UBASH3B: variants seen among roughly 807,000 people sequenced by gnomAD.
UBASH3B encodes the protein ubiquitin associated and SH3 domain containing B.
A neutral mutation model predicts 83.4 loss-of-function variants in UBASH3B; 37 were observed. That is an observed-to-expected ratio of 0.44 (90% CI 0.34 to 0.58). The LOEUF is 0.58. Ranked by LOEUF, UBASH3B falls within the 20% of genes least tolerant of loss-of-function variation. The pLI, the probability that UBASH3B is intolerant of heterozygous loss-of-function variation, is 0.01. For missense variants in UBASH3B, 657 were observed against 827.2 expected, an observed-to-expected ratio of 0.79 and a Z score of 2.52; for synonymous variants, 304 against 318.3, an observed-to-expected ratio of 0.96 and a Z score of 0.48.
chr11:122,699,531 C>CCCTTTCTT (rs1555137139), intron 1 of UBASH3B, among the ~76,000 whole-genome samples: 6 of 107,866 alleles, frequency 5.6e-5, no homozygotes, highest in Admixed American at 4.8e-4. Context: ...TTCTTTCTTT[C>CCCTTTCTT]TCTTTCTTTC....
Position 122,707,014 on chromosome 11 carries a change from C to T in UBASH3B, c.161+50804C>T, listed in dbSNP as rs115218726. 7.7e-3 allele frequency among the ~76,000 whole-genome samples: 1,176 copies of T among 152,254 alleles called. 14 individuals carry two copies. The highest frequency in any genetic ancestry group is 0.027 in the African/African-American group (1,132 of 41,538). On this transcript the variant is annotated intron_variant, in intron 1 of 13. Coordinates refer to ENST00000284273, the MANE Select transcript of UBASH3B (RefSeq NM_032873.5). The stretch of plus-strand genomic sequence containing the variant: ...TCCTTAGAAGGAAGTTCCTTTTATT[C>T]TGAGATGGTACCCTTTCTACTTTTT...
At chr11:122,687,805 C>G (rs993371381) in intron 1 of UBASH3B, among the ~76,000 whole-genome samples, 1 of 152,078 alleles carries the variant, frequency 6.6e-6, no homozygotes, top group African/African-American at 2.4e-5. Context: ...CTGGTGCTCC[C>G]GTGTCTCCAA....
In UBASH3B at chr11:122,710,528, G is replaced by C. The variant is rs190453535; in HGVS notation, c.161+54318G>C. On this transcript the variant is annotated intron_variant, in intron 1 of 13. Transcript: ENST00000284273. ...AGACATGATCTCCCCCACCTGAAAAGTGGCAGAGCCAGAAGTCAAACGTTC... is the reference window on the plus strand; with the variant it reads ...AGACATGATCTCCCCCACCTGAAAACTGGCAGAGCCAGAAGTCAAACGTTC... Among the ~76,000 whole-genome samples the C allele has an allele frequency of 2.2e-4, 34 of 152,368 alleles. No homozygotes were observed. The East Asian group carries it at 6.0e-3, about 27-fold the overall frequency.
At chr11:122,709,780 C>G (rs550699382) in intron 1 of UBASH3B, among the ~76,000 whole-genome samples, 12 of 152,278 alleles carry the variant, frequency 7.9e-5, no homozygotes, top group African/African-American at 2.9e-4. Context: ...GATTATCACA[C>G]GGTCTCAAAA....
intron 1 of UBASH3B, among the ~76,000 whole-genome samples, chr11:122,762,951 C>A (rs952845686): frequency 1.3e-5 from 2 of 152,206 alleles, no homozygotes; most frequent in Non-Finnish European, 2.9e-5. Context: ...CTAATATATG[C>A]CAAACATTGT....
At chr11:122,716,418 C>T (rs1361123289) in intron 1 of UBASH3B, among the ~76,000 whole-genome samples, 1 of 152,180 alleles carries the variant, frequency 6.6e-6, no homozygotes, top group East Asian at 1.9e-4. Context: ...TTGCCCAAGT[C>T]ACATGGAGGA....
chr11:122,801,384 C>T (rs1373498343), intron 11 of UBASH3B, 52 bp downstream of exon 11: 1 of 1,597,124 alleles, frequency 6.3e-7, no homozygotes, highest in Admixed American at 1.7e-5. Flanking sequence ...GTGCTTTCTG[C>T]ACTAGCACTA....
intron 1 of UBASH3B, among the ~76,000 whole-genome samples, chr11:122,705,114 C>G (rs542196451): frequency 6.6e-6 from 1 of 152,296 alleles, no homozygotes; most frequent in African/African-American, 2.4e-5. Context: ...TAGCTGCCAG[C>G]CGGACTCATG....
chr11:122,773,291 C>T (rs1299929258), intron 1 of UBASH3B, among the ~76,000 whole-genome samples: 2 of 152,350 alleles, frequency 1.3e-5, no homozygotes, highest in African/African-American at 4.8e-5. Flanking sequence ...CGCCCATGTT[C>T]AGTCTGTTCT....
intron 1 of UBASH3B, among the ~76,000 whole-genome samples, chr11:122,762,185 T>C (rs1401579089): frequency 3.3e-5 from 5 of 152,182 alleles, no homozygotes. Context: ...ACCGTGCCCC[T>C]GGCTTGCTGT....
chr11:122,661,859 CAA>C (rs34663505), intron 1 of UBASH3B, among the ~76,000 whole-genome samples: 47,173 of 105,330 alleles, frequency 0.45, 8,264 homozygotes, highest in Non-Finnish European at 0.47. Context: ...GTCCTGGTTC[CAA>C]AAAAAAAAAA....
intron 1 of UBASH3B, among the ~76,000 whole-genome samples, chr11:122,661,035 T>A (rs545509373): frequency 1.1e-4 from 17 of 152,212 alleles, no homozygotes; most frequent in African/African-American, 3.6e-4. Flanking sequence ...GAAAAGAACT[T>A]GGGAAAGTTA....
chr11:122,719,172 G>A (rs1860581400), intron 1 of UBASH3B, among the ~76,000 whole-genome samples: 1 of 152,232 alleles, frequency 6.6e-6, no homozygotes, highest in South Asian at 2.1e-4. Flanking sequence ...AACACGCTGA[G>A]GTTAAAAGTA....
intron 1 of UBASH3B, among the ~76,000 whole-genome samples, chr11:122,700,219 C>T (rs555569661): frequency 6.6e-6 from 1 of 152,292 alleles, no homozygotes; most frequent in South Asian, 2.1e-4. Flanking sequence ...TCCAATTCCT[C>T]AACACTTTGA....
chr11:122,702,583 G>A (rs1864056076), intron 1 of UBASH3B, among the ~76,000 whole-genome samples: 2 of 151,664 alleles, frequency 1.3e-5, no homozygotes, highest in Non-Finnish European at 2.9e-5. Flanking sequence ...GGAGTGCAAT[G>A]GTGCGATCTC....
intron 1 of UBASH3B, among the ~76,000 whole-genome samples, chr11:122,771,822 A>C (rs191442193): frequency 1.8e-4 from 27 of 152,158 alleles, no homozygotes; most frequent in African/African-American, 6.0e-4. Flanking sequence ...ATTCTTAAAT[A>C]ACCACAGCTA....
chr11:122,801,181 C>T lies in UBASH3B; in HGVS notation c.1451-7C>T. 1 of 1,613,916 alleles carries T rather than the reference C, an allele frequency of 6.2e-7. No individual in the cohort carries two copies. The highest frequency in any genetic ancestry group is 2.2e-5 in the East Asian group (1 of 44,872). On this transcript the variant is annotated splice_region_variant and splice_polypyrimidine_tract_variant and intron_variant, in intron 10 of 13. Transcript: ENST00000284273. ...TTTCTTCATCTTCACTGTATTTTAC[C>T]CCTAAGGTTTACAACAAGAAAATCA...
At chr11:122,700,151 G>A (rs768458803) in intron 1 of UBASH3B, among the ~76,000 whole-genome samples, 10 of 152,132 alleles carry the variant, frequency 6.6e-5, no homozygotes, top group Admixed American at 3.9e-4. Context: ...TCATTCCCCC[G>A]GGAGCAGCAC....
chr11:122,799,530 A>G (rs2135179743), intron 10 of UBASH3B, among the ~76,000 whole-genome samples: 1 of 152,292 alleles, frequency 6.6e-6, no homozygotes, highest in African/African-American at 2.4e-5. Flanking sequence ...GCAAAATAAA[A>G]GGAAGTATAC....
Sources: gnomAD v4.1 joint callset for allele counts (sites outside exome capture counted in the v4.1 genomes callset) on GRCh38, gnomAD v4.1.1 for gene constraint, MANE v1.5 for transcripts, NCBI Gene and HGNC (gene_info 2026-07-23, HGNC 2026-07-21) for gene names.